UNC13C: variants seen among roughly 807,000 people sequenced by gnomAD.
UNC13C encodes the protein unc-13 homolog C, also known as protein unc-13 homolog C.
In UNC13C, 174 loss-of-function variants were observed where a neutral mutation model predicts 245.4. The ratio of observed to expected loss-of-function variants is 0.71; its 90% CI spans 0.63 to 0.80. UNC13C has a LOEUF of 0.80. Among genes scored for constraint, UNC13C ranks in the 30% least tolerant of loss-of-function variants. The pLI, the probability that UNC13C is intolerant of heterozygous loss-of-function variation, is 0.00. For missense variants in UNC13C, 2,829 were observed against 2,602.9 expected (o/e 1.09, Z -1.89); for synonymous variants, 992 against 895.1 (o/e 1.11, Z -1.93).
At chr15:54,080,035 G>A (rs921937592) in intron 2 of UNC13C, among the ~76,000 whole-genome samples, 5 of 131,262 alleles carry the variant, frequency 3.8e-5, no homozygotes, top group African/African-American at 1.1e-4. Context: ...ATAAAGTGAT[G>A]TTGGATTTTA....
At chr15:54,339,516 T>A (rs975223584) in intron 17 of UNC13C, among the ~76,000 whole-genome samples, 2 of 152,126 alleles carry the variant, frequency 1.3e-5, no homozygotes, top group Non-Finnish European at 2.9e-5. Context: ...AAACATACAA[T>A]GTTTAGCTTT....
chr15:53,894,826 C>G, the UNC13C span, among the ~76,000 whole-genome samples: 1 of 151,862 alleles, frequency 6.6e-6, no homozygotes, highest in Non-Finnish European at 1.5e-5. Context: ...TTGATATTTA[C>G]AAAAGTCAAG....
intron 8 of UNC13C, among the ~76,000 whole-genome samples, chr15:54,250,758 T>TCTTTCTTTCTTTC (rs1317621554): frequency 7.7e-6 from 1 of 129,712 alleles, no homozygotes. Flanking sequence ...TCTTTTTTTT[T>TCTTTCTTTCTTTC]TTTTTTTTTT....
At chr15:54,224,075 T>C (rs527868030) in intron 4 of UNC13C, among the ~76,000 whole-genome samples, 1 of 152,262 alleles carries the variant, frequency 6.6e-6, no homozygotes, top group South Asian at 2.1e-4. Flanking sequence ...GATCATATCA[T>C]GTGCAAACGA....
intron 4 of UNC13C, among the ~76,000 whole-genome samples, chr15:54,145,798 A>G (rs940490312): frequency 2.0e-5 from 3 of 152,208 alleles, no homozygotes; most frequent in Middle Eastern, 3.2e-3. Context: ...TAAAAATTTG[A>G]TTTGCTAACT....
intron 19 of UNC13C, among the ~76,000 whole-genome samples, chr15:54,467,712 C>G (rs1265553697): frequency 6.6e-6 from 1 of 151,670 alleles, no homozygotes; most frequent in East Asian, 1.9e-4. Flanking sequence ...GATCCCACGT[C>G]TAGGTGAGAT....
At chr15:54,114,100 T>A (rs2030033173) in intron 2 of UNC13C, among the ~76,000 whole-genome samples, 1 of 152,090 alleles carries the variant, frequency 6.6e-6, no homozygotes, top group Admixed American at 6.6e-5. Context: ...CCCAAACCAC[T>A]GCCAAAAACA....
At chr15:54,559,021 A>G (rs1897196030) in intron 29 of UNC13C, among the ~76,000 whole-genome samples, 1 of 152,002 alleles carries the variant, frequency 6.6e-6, no homozygotes, top group Admixed American at 6.6e-5. Flanking sequence ...TTAATTTTTA[A>G]ATTCCCCCAG....
chr15:54,340,997 A>G (rs2038715039), intron 17 of UNC13C, among the ~76,000 whole-genome samples: 2 of 152,184 alleles, frequency 1.3e-5, no homozygotes, highest in Admixed American at 6.5e-5. Flanking sequence ...ATGCTTATAC[A>G]CTGTTGGTGG....
chr15:54,161,877 G>A (rs570568531), intron 4 of UNC13C, among the ~76,000 whole-genome samples: 2 of 152,212 alleles, frequency 1.3e-5, no homozygotes, highest in Non-Finnish European at 2.9e-5. Context: ...GAACCTGGGA[G>A]GCAGAAGTTG....
At chr15:54,129,046 A>G (rs567907745) in intron 2 of UNC13C, among the ~76,000 whole-genome samples, 33 of 152,326 alleles carry the variant, frequency 2.2e-4, no homozygotes, top group African/African-American at 7.7e-4. Flanking sequence ...TTTGAGTCCC[A>G]AGATCAATAG....
intron 19 of UNC13C, among the ~76,000 whole-genome samples, chr15:54,452,280 G>A (rs1891222145): frequency 6.6e-6 from 1 of 152,182 alleles, no homozygotes; most frequent in African/African-American, 2.4e-5. Context: ...AGCAGTGGCA[G>A]CAGTGGGTCA....
At chr15:54,193,148 AGAT>A (rs1466535848) in intron 4 of UNC13C, among the ~76,000 whole-genome samples, 8 of 152,154 alleles carry the variant, frequency 5.3e-5, no homozygotes, top group African/African-American at 1.9e-4. Context: ...GTACTAAGTG[AGAT>A]GATATTTACT....
chr15:54,626,318 T>A (rs927840846), intron 32 of UNC13C, among the ~76,000 whole-genome samples: 19 of 152,110 alleles, frequency 1.2e-4, no homozygotes, highest in Non-Finnish European at 2.8e-4. Context: ...TGGAGATTTG[T>A]ATCCAATTTA....
intron 19 of UNC13C, among the ~76,000 whole-genome samples, chr15:54,434,391 T>G (rs2040936787): frequency 6.6e-6 from 1 of 152,058 alleles, no homozygotes; most frequent in African/African-American, 2.4e-5. Flanking sequence ...ACCAGATGTA[T>G]AGACCAATGG....
the UNC13C span, among the ~76,000 whole-genome samples, chr15:53,939,757 T>C: frequency 6.6e-6 from 1 of 152,090 alleles, no homozygotes; most frequent in African/African-American, 2.4e-5. Context: ...GCTCAATAGA[T>C]GCAGAAAAGG....
chr15:53,980,473 C>T (rs1274279578), intron 1 of UNC13C, among the ~76,000 whole-genome samples: 1 of 152,084 alleles, frequency 6.6e-6, no homozygotes, highest in African/African-American at 2.4e-5. Context: ...AGTAATTTTA[C>T]TGAATCCATT....
intron 13 of UNC13C, 95 bp downstream of exon 13, chr15:54,300,468 A>G: frequency 1.6e-6 from 2 of 1,214,944 alleles, no homozygotes; most frequent in East Asian, 2.6e-5. Context: ...AATGAAACTG[A>G]TTAAAAAGAG....
At chr15:54,287,666 A>G (rs1242794692) in intron 10 of UNC13C, among the ~76,000 whole-genome samples, 2 of 152,212 alleles carry the variant, frequency 1.3e-5, no homozygotes, top group Non-Finnish European at 2.9e-5. Context: ...AGACAGCATC[A>G]GAATACTATT....
Sources: gnomAD v4.1 joint callset for allele counts (sites outside exome capture counted in the v4.1 genomes callset) on GRCh38, gnomAD v4.1.1 for gene constraint, MANE v1.5 for transcripts, NCBI Gene and HGNC (gene_info 2026-07-23, HGNC 2026-07-21) for gene names.